The following TEX264 variants were observed in gnomAD, a reference collection of about 807,000 sequenced individuals.
TEX264 encodes the protein testis-expressed protein 264.
In TEX264, 13 loss-of-function variants were observed where a neutral mutation model predicts 23.4. The observed-to-expected ratio is 0.56, with a 90% CI of 0.36 to 0.88. The LOEUF (loss-of-function observed/expected upper bound fraction) is 0.88, where lower values mean the gene tolerates loss of function less well. Among genes scored for constraint, TEX264 ranks in the 40% least tolerant of loss-of-function variants. The probability of loss-of-function intolerance (pLI) is 0.01; values close to 1 mark genes in which losing one functional copy is unlikely to be tolerated. For missense variants in TEX264, 340 were observed against 406.8 expected (o/e 0.84, Z 1.41); for synonymous variants, 159 against 170.0 (o/e 0.94, Z 0.50).
At position 51,699,498 on chromosome 3, in the gene TEX264, T is replaced by C. The variant is rs1182523695; in HGVS notation, c.573T>C (p.Tyr191=). The part of the protein sequence containing the change: ...MCPLARQGDF[Y]VPEMKETEWK... ...CACTGGCACGGCAGGGAGACTTCTA[T>C]GTGCCTGAGATGAAGGAGACAGAGT... Residue 191 remains tyrosine (Y), a synonymous_variant, in exon 4 of 5, where the codon TAT becomes TAC. Coordinates refer to ENST00000341333, the MANE Select transcript of TEX264 (RefSeq NM_015926.6). 1 of 1,614,008 alleles carries C rather than the reference T, an allele frequency of 6.2e-7. No individual in the cohort carries two copies. Among genetic ancestry groups the C allele is most frequent in the African/African-American group, 1.3e-5 (1 of 74,924 alleles).
intron 1 of TEX264, chr3:51,672,026 T>C (rs112673619): frequency 0.024 from 3,715 of 152,372 alleles, 74 homozygotes; most frequent in Non-Finnish European, 0.032. Context: ...ATTGGAGTAC[T>C]CCAGGAAGAG....
chr3:51,697,501 T>C (rs1207162845), intron 3 of TEX264, among the ~76,000 whole-genome samples: 1 of 152,210 alleles, frequency 6.6e-6, no homozygotes, highest in Non-Finnish European at 1.5e-5. Flanking sequence ...CTACTACCCT[T>C]TGGGTCCTTT....
chr3:51,700,899 G>C (rs982230259), intron 4 of TEX264, among the ~76,000 whole-genome samples: 2 of 152,006 alleles, frequency 1.3e-5, no homozygotes, highest in African/African-American at 4.8e-5. Context: ...AGCGGGACTC[G>C]GTGTTTGCCC....
chr3:51,694,058 TC>T (rs1559680719), intron 3 of TEX264, among the ~76,000 whole-genome samples: 31 of 122,572 alleles, frequency 2.5e-4, no homozygotes, highest in African/African-American at 8.6e-4. Flanking sequence ...TCCCTTCCCT[TC>T]CCTTCCCTTC....
chr3:51,676,723 C>T (rs1702242762), intron 2 of TEX264, among the ~76,000 whole-genome samples: 1 of 152,164 alleles, frequency 6.6e-6, no homozygotes, highest in African/African-American at 2.4e-5. Flanking sequence ...AGGCATTTAC[C>T]CCAGCACTTA....
intron 4 of TEX264, among the ~76,000 whole-genome samples, chr3:51,700,587 A>G (rs1178287586): frequency 6.6e-6 from 1 of 152,030 alleles, no homozygotes; most frequent in Non-Finnish European, 1.5e-5. Flanking sequence ...GACATGGCAC[A>G]AGGTCAGCAG....
In TEX264 at chr3:51,674,368, C is replaced by A; in HGVS notation, c.64C>A (p.Leu22Met). 1 of 1,614,228 alleles carries A rather than the reference C, an allele frequency of 6.2e-7. No individual in the cohort carries two copies. The highest frequency in any genetic ancestry group is 8.5e-7 in the Non-Finnish European group (1 of 1,180,040). ...GLTLLLLLTL[L>M]AFAGYSGLLA... is the part of the protein sequence containing the mutation. Reference sequence around the variant, plus strand: ...GACTCTCTTACTGCTGCTGACGCTGCTGGCCTTTGCCGGGTACTCAGGGCT... The same window carrying A: ...GACTCTCTTACTGCTGCTGACGCTGATGGCCTTTGCCGGGTACTCAGGGCT... The change falls in exon 2 of 5, where the codon CTG (leucine) becomes ATG (methionine). Residue 22 changes from leucine to methionine, a missense_variant. By Grantham distance (15) the Leu-to-Met change is conservative (BLOSUM62 2). Transcript: ENST00000341333.
rs1703024822 is a variant in TEX264 at position 51,695,603 on chromosome 3, T to TG, written c.481-3798dup. ...TGCTGGGGAGGCACTGTGGGTCCCG[T>TG]GGGGGAAAGCTTGGCCTGGTGTATC... On this transcript the variant is annotated intron_variant, in intron 3 of 4. Transcript: ENST00000341333. 3.9e-5 allele frequency among the ~76,000 whole-genome samples: 6 copies of TG among 152,260 alleles called. No individual in the cohort carries two copies. The South Asian group carries it at 1.0e-3, about 26-fold the overall frequency.
chr3:51,701,030 G>A (rs1165373277), intron 4 of TEX264, among the ~76,000 whole-genome samples: 1 of 152,236 alleles, frequency 6.6e-6, no homozygotes, highest in Admixed American at 6.5e-5. Flanking sequence ...GCCGGGAGGT[G>A]AAAGGGGGTG....
intron 1 of TEX264, chr3:51,672,241 A>T (rs1577485369): frequency 6.6e-6 from 1 of 152,116 alleles, no homozygotes; most frequent in African/African-American, 2.4e-5. Flanking sequence ...CCAGCACTGG[A>T]GCGCTCGGCC....
At position 51,684,439 on chromosome 3, in the gene TEX264, C is replaced by T. The variant is rs145555956; in HGVS notation, c.285C>T (p.Ala95=). Residue 95 remains alanine, a synonymous_variant, in exon 3 of 5, where the codon GCC becomes GCT. Transcript: ENST00000341333. ...HMVPPDKCRC[A]VGSILSEGEE... is the part of the protein sequence containing the mutation. ...TGCCCCCTGATAAGTGCCGATGTGC[C>T]GTGGGCAGCATCCTGAGTGAAGGTG... 5.2e-4 allele frequency: 836 copies of T among 1,614,054 alleles called. No individual in the cohort carries two copies. Among genetic ancestry groups the T allele is most frequent in the Non-Finnish European group, 6.4e-4 (759 of 1,180,034 alleles).
At chr3:51,687,396 G>C (rs113464496) in intron 3 of TEX264, among the ~76,000 whole-genome samples, 483 of 152,322 alleles carry the variant, frequency 3.2e-3, no homozygotes, top group African/African-American at 0.011. Flanking sequence ...GCCTCTCTCA[G>C]CCCAGGAGAC....
intron 2 of TEX264, chr3:51,682,400 A>G (rs1430150112): frequency 6.6e-6 from 1 of 152,242 alleles, no homozygotes; most frequent in Non-Finnish European, 1.5e-5. Context: ...GTTTACAGCA[A>G]AATACTGGGG....
intron 4 of TEX264, among the ~76,000 whole-genome samples, chr3:51,700,685 C>T (rs1703260987): frequency 6.6e-6 from 1 of 151,562 alleles, no homozygotes; most frequent in East Asian, 1.9e-4. Flanking sequence ...CCTTGACCCA[C>T]CCACCCAGCT....
chr3:51,685,631 G>A (rs1180046658), intron 3 of TEX264, among the ~76,000 whole-genome samples: 1 of 152,220 alleles, frequency 6.6e-6, no homozygotes, highest in Non-Finnish European at 1.5e-5. Flanking sequence ...AAATGCAGCA[G>A]GAAGTCACTG....
In TEX264 at chr3:51,674,327, G is replaced by A. The variant is rs1286823097; in HGVS notation, c.23G>A (p.Gly8Asp). Residue 8 changes from glycine (G) to aspartate (D), a missense_variant, in exon 2 of 5, where the codon GGC becomes GAC. Physicochemically the swap from Gly to Asp is moderately conservative, Grantham distance 94 (BLOSUM62 -1). Coordinates refer to ENST00000341333, the MANE Select transcript of TEX264 (RefSeq NM_015926.6). MSDLLLL[G>D]LIGGLTLLLL... ...GCCATGTCGGACCTGCTACTACTGG[G>A]CCTGATTGGGGGCCTGACTCTCTTA... is the stretch of plus-strand genomic sequence containing the variant. 6.2e-7 allele frequency: 1 copy of A among 1,614,192 alleles called. No homozygotes were observed. The highest frequency in any genetic ancestry group is 8.5e-7 in the Non-Finnish European group (1 of 1,180,034).
chr3:51,684,154 A>G (rs770042846), intron 2 of TEX264: 2 of 512,700 alleles, frequency 3.9e-6, no homozygotes, highest in Non-Finnish European at 7.0e-6. Flanking sequence ...CTAACCCCTC[A>G]CTATGATCCC....
At position 51,703,698 on chromosome 3, in the gene TEX264, C is replaced by G; in HGVS notation, c.650-26C>G. On this transcript the variant is annotated intron_variant, in intron 4 of 4. Transcript: ENST00000341333. This position sits in a 1 kb window ranked among gnomAD's most constrained non-coding sequence, Gnocchi z 4.8. ...GAGGGGGTGGGGTGGTCCTAGCTAACCTGTGCTCCCTTTTCCTGGTCATAG... is the reference window on the plus strand; with the variant it reads ...GAGGGGGTGGGGTGGTCCTAGCTAAGCTGTGCTCCCTTTTCCTGGTCATAG... The G allele has an allele frequency of 6.4e-7, 1 of 1,558,318 alleles. No homozygotes were observed.
Position 51,704,116 on chromosome 3 carries a change from G to T in TEX264, c.*100G>T. 1 of 1,132,670 alleles carries T rather than the reference G, an allele frequency of 8.8e-7. No individual in the cohort carries two copies. The highest frequency in any genetic ancestry group is 1.1e-6 in the Non-Finnish European group (1 of 873,302). The allele number at this position is 1,132,670 out of a possible 1,614,324, so 70.2% of individuals were successfully genotyped here. Reference sequence around the variant, plus strand: ...TTCCTCCTTCCTCTGGGGGAGGAGGGGTTCCTGAGGGACCTGACTTCCCCT... The same window carrying T: ...TTCCTCCTTCCTCTGGGGGAGGAGGTGTTCCTGAGGGACCTGACTTCCCCT... On this transcript the variant is annotated 3_prime_UTR_variant, in exon 5 of 5. Coordinates refer to ENST00000341333, the MANE Select transcript of TEX264 (RefSeq NM_015926.6).
Sources: allele counts gnomAD v4.1 joint callset (sites outside exome capture counted in the v4.1 genomes callset), GRCh38; gene constraint gnomAD v4.1.1; non-coding constraint Gnocchi (gnomAD v3.1); transcripts MANE v1.5; gene names NCBI Gene and HGNC (gene_info 2026-07-23, HGNC 2026-07-21).